The following ASCC1 variants were observed in gnomAD, a reference collection of about 807,000 sequenced individuals.
ASCC1 encodes activating signal cointegrator 1 complex subunit 1, also known as ASC-1 complex subunit P50.
ASCC1 carries 35 observed loss-of-function variants against 46.6 expected under a neutral mutation model. The ratio of observed to expected loss-of-function variants is 0.75; its 90% CI spans 0.57 to 0.99. The LOEUF is 0.99. Ranked by LOEUF, ASCC1 falls within the 50% of genes least tolerant of loss-of-function variation. ASCC1 has a pLI of 0.00. For synonymous variants in ASCC1, 143 were observed against 146.6 expected (o/e 0.98, Z 0.18); for missense variants, 376 against 428.7 (o/e 0.88, Z 1.09).
In ASCC1 at chr10:72,161,444, G is replaced by A. The variant is rs1849683958; in HGVS notation, c.626+94C>T. 2.6e-6 allele frequency: 4 copies of A among 1,530,060 alleles called. No homozygotes were observed. In the East Asian group the frequency reaches 9.0e-5, roughly 34 times the overall value. 94.8% of individuals were successfully genotyped at this position (1,530,060 alleles called of 1,614,324 possible). Reference sequence around the variant, plus strand: ...ATCAAATCACATGAGTCCTTCCCATGTTATACACCCTCTGGTTCAAAAACA... The same window carrying A: ...ATCAAATCACATGAGTCCTTCCCATATTATACACCCTCTGGTTCAAAAACA... On this transcript the variant is annotated intron_variant, in intron 6 of 9. Transcript: ENST00000672957.
At chr10:72,178,645 A>G (rs1286042589) in intron 5 of ASCC1, among the ~76,000 whole-genome samples, 4 of 152,168 alleles carry the variant, frequency 2.6e-5, no homozygotes, top group Non-Finnish European at 4.4e-5. Context: ...TGAGACCCTA[A>G]GCAGACAACC....
intron 5 of ASCC1, among the ~76,000 whole-genome samples, chr10:72,177,600 A>T (rs563494993): frequency 2.0e-5 from 3 of 152,312 alleles, no homozygotes; most frequent in African/African-American, 7.2e-5. Context: ...CTTCAGATGG[A>T]TCTATAAGCC....
intron 3 of ASCC1, 98 bp downstream of exon 3, chr10:72,210,634 A>G (rs1857940536): frequency 1.4e-5 from 12 of 872,722 alleles, no homozygotes; most frequent in Non-Finnish European, 1.9e-5. Context: ...TATCATTAGT[A>G]ATCAAGCACT....
At chr10:72,203,567 C>T (rs752668025) in intron 3 of ASCC1, 43 bp from the exon 4 acceptor site, 1 of 1,383,308 alleles carries the variant, frequency 7.2e-7, no homozygotes, top group South Asian at 1.2e-5. Flanking sequence ...TCAAAATGTA[C>T]CAAAATAAAG....
At chr10:72,136,980 A>G (rs1361233611) in intron 7 of ASCC1, among the ~76,000 whole-genome samples, 2 of 146,060 alleles carry the variant, frequency 1.4e-5, no homozygotes, top group African/African-American at 5.2e-5. Flanking sequence ...GAACTGTAAC[A>G]CTCACCACGA....
intron 5 of ASCC1, among the ~76,000 whole-genome samples, chr10:72,187,300 C>A (rs1306995750): frequency 6.6e-6 from 1 of 152,220 alleles, no homozygotes. Flanking sequence ...CAAAGTTAGT[C>A]ACTTAAAAAC....
intron 5 of ASCC1, among the ~76,000 whole-genome samples, chr10:72,179,385 G>A (rs1428966248): frequency 6.6e-6 from 1 of 152,216 alleles, no homozygotes; most frequent in Non-Finnish European, 1.5e-5. Context: ...AATGCCTGCT[G>A]AAAGATTGGT....
At chr10:72,153,203 G>C (rs1848571022) in intron 6 of ASCC1, among the ~76,000 whole-genome samples, 1 of 152,130 alleles carries the variant, frequency 6.6e-6, no homozygotes, top group Admixed American at 6.5e-5. Context: ...ACACCGGAAA[G>C]TATTTCCAAT....
At chr10:72,210,365 G>A (rs1273169723) in intron 3 of ASCC1, among the ~76,000 whole-genome samples, 1 of 152,010 alleles carries the variant, frequency 6.6e-6, no homozygotes, top group Non-Finnish European at 1.5e-5. Flanking sequence ...TCGCCATGTT[G>A]ACCAGGCTGG....
intron 9 of ASCC1, among the ~76,000 whole-genome samples, chr10:72,116,551 T>A (rs1432551125): frequency 6.6e-6 from 1 of 152,208 alleles, no homozygotes; most frequent in East Asian, 1.9e-4. Context: ...TCACTTACTA[T>A]CCTGAACGTT....
chr10:72,175,424 A>G (rs1163532692), intron 5 of ASCC1, among the ~76,000 whole-genome samples: 2 of 152,198 alleles, frequency 1.3e-5, no homozygotes, highest in African/African-American at 4.8e-5. Flanking sequence ...CTGCTGAGTC[A>G]TTTCCATTAT....
chr10:72,203,341 T>TA (rs953696337), intron 4 of ASCC1, 86 bp downstream of exon 4: 3 of 956,536 alleles, frequency 3.1e-6, no homozygotes, highest in Non-Finnish European at 5.1e-6. Context: ...ACAGAAAACA[T>TA]AGTTACTAAA....
At position 72,129,635 on chromosome 10, in the gene ASCC1, G is replaced by A. The variant is rs201687251; in HGVS notation, c.872-1468C>T. 2.5e-4 allele frequency among the ~76,000 whole-genome samples: 38 copies of A among 151,302 alleles called. No individual in the cohort carries two copies. The East Asian group carries it at 6.2e-3, about 25-fold the overall frequency. On this transcript the variant is annotated intron_variant, in intron 8 of 9. Coordinates refer to ENST00000672957, the MANE Select transcript of ASCC1 (RefSeq NM_001198800.3). ...AGCCTGACCAACATGGTGAAACCCC[G>A]TCTCTACTAAAAATGCAAAAATTAG... is the stretch of plus-strand genomic sequence containing the variant.
At chr10:72,146,383 A>C (rs558737569) in intron 7 of ASCC1, among the ~76,000 whole-genome samples, 6 of 152,334 alleles carry the variant, frequency 3.9e-5, no homozygotes, top group African/African-American at 1.4e-4. Flanking sequence ...GGTCACGAGA[A>C]TAAGTAAAAG....
chr10:72,135,035 C>G (rs1244439738), intron 7 of ASCC1, among the ~76,000 whole-genome samples: 1 of 152,060 alleles, frequency 6.6e-6, no homozygotes, highest in Non-Finnish European at 1.5e-5. Flanking sequence ...GAAACGAATA[C>G]CTGGGGAATC....
intron 2 of ASCC1, among the ~76,000 whole-genome samples, chr10:72,211,537 C>A (rs1397033189): frequency 6.6e-6 from 1 of 152,032 alleles, no homozygotes; most frequent in Non-Finnish European, 1.5e-5. Context: ...TGCAGTGAAC[C>A]AAGGTCGTGC....
At chr10:72,168,140 G>A (rs1233049634) in intron 5 of ASCC1, among the ~76,000 whole-genome samples, 6 of 152,092 alleles carry the variant, frequency 3.9e-5, no homozygotes, top group Admixed American at 3.9e-4. Flanking sequence ...GCAGTGAGCC[G>A]AGATCGTGCC....
chr10:72,198,788 A>G (rs1589601708), intron 4 of ASCC1: 2 of 415,546 alleles, frequency 4.8e-6, no homozygotes, highest in East Asian at 1.4e-4. Flanking sequence ...TTTTCTATAT[A>G]CTTTACTTCT....
intron 9 of ASCC1, among the ~76,000 whole-genome samples, chr10:72,098,089 C>T (rs1295835428): frequency 6.6e-6 from 1 of 152,138 alleles, no homozygotes; most frequent in Non-Finnish European, 1.5e-5. Flanking sequence ...AGCCAGCGAC[C>T]TAAAATAAAT....
Sources: allele counts gnomAD v4.1 joint callset (sites outside exome capture counted in the v4.1 genomes callset), GRCh38; gene constraint gnomAD v4.1.1; transcripts MANE v1.5; gene names NCBI Gene and HGNC (gene_info 2026-07-23, HGNC 2026-07-21).